The following ZC3H7B variants were observed in gnomAD, a reference collection of about 807,000 sequenced individuals.
ZC3H7B encodes zinc finger CCCH-type containing 7B.
ZC3H7B carries 35 observed loss-of-function variants against 116.0 expected under a neutral mutation model. That is an observed-to-expected ratio of 0.30 (90% confidence interval 0.23 to 0.40). The LOEUF is 0.40. ZC3H7B is among the 10% of genes least tolerant of loss of function. The pLI is 1.00. For missense variants in ZC3H7B, 1,011 were observed against 1,321.5 expected (o/e 0.77, Z 3.64); for synonymous variants, 502 against 545.6 (o/e 0.92, Z 1.11).
intron 10 of ZC3H7B, 140 bp from the exon 11 acceptor site, chr22:41,340,948 G>C: frequency 1.4e-6 from 1 of 724,676 alleles, no homozygotes; most frequent in Non-Finnish European, 2.3e-6. Context: ...AGAGGATAGA[G>C]TCAGGGGTTC....
In ZC3H7B at chr22:41,332,204, A is replaced by G; in HGVS notation, c.559A>G (p.Thr187Ala). 1 of 1,614,192 alleles carries G rather than the reference A, an allele frequency of 6.2e-7. No individual in the cohort carries two copies. Among genetic ancestry groups the G allele is most frequent in the Non-Finnish European group, 8.5e-7 (1 of 1,180,028 alleles). The change falls in exon 7 of 23, where the codon ACT (threonine) becomes GCT (alanine). Residue 187 changes from threonine (T) to alanine (A), a missense_variant. This residue lies in a region of ZC3H7B where 322 missense variants were observed against 443.9 expected (regional missense o/e 0.73). Transcript: ENST00000352645. ...AACCTTTTCTCTGCTCAGTAACGGC[A>G]CTGCGGCTGGCGTGGCAGATCAGGT... ...LETFSLLSNG[T>A]AAGVADQGTS... is the part of the protein sequence containing the mutation.
At position 41,320,771 on chromosome 22, in the gene ZC3H7B, G is replaced by C. The variant is rs897019725; in HGVS notation, c.53+58G>C. The C allele has an allele frequency of 1.9e-6, 3 of 1,599,146 alleles. No homozygotes were observed. In the African/African-American group the frequency reaches 4.0e-5, roughly 21 times the overall value. ...GGGTGGGCAAGGGTGGGTTCTCTGA[G>C]AGCCATGCCCTCCCAGCGCTCCCTT... On this transcript the variant is annotated intron_variant, in intron 2 of 22. Coordinates refer to ENST00000352645, the MANE Select transcript of ZC3H7B (RefSeq NM_017590.6).
rs373820082 is a variant in ZC3H7B at position 41,347,549 on chromosome 22, T to C, written c.1666-518T>C. ...CCTGTCTCCCCACCCAGTCATAGCATGTTGAGGGCAGGGGCAGTGGCACGT... is the reference window on the plus strand; with the variant it reads ...CCTGTCTCCCCACCCAGTCATAGCACGTTGAGGGCAGGGGCAGTGGCACGT... On this transcript the variant is annotated intron_variant, in intron 14 of 22. Transcript: ENST00000352645. Among the ~76,000 whole-genome samples, 39 of 152,256 alleles carry C rather than the reference T, an allele frequency of 2.6e-4. No individual in the cohort carries two copies. The East Asian group carries it at 7.3e-3, about 29-fold the overall frequency.
rs568482896 is a variant in ZC3H7B at position 41,357,011 on chromosome 22, G to A, written c.2682-166G>A. Among the ~76,000 whole-genome samples the A allele has an allele frequency of 3.9e-5, 6 of 152,276 alleles. No individual in the cohort carries two copies. In the South Asian group the frequency reaches 1.2e-3, roughly 32 times the overall value. ...ATCTAGACCTTTAATTTGCAGCTGT[G>A]GGGCAGATCCCAGAGAGGGTCAGGA... On this transcript the variant is annotated intron_variant, in intron 22 of 22. Transcript: ENST00000352645. The surrounding 1 kb of genome is among the most constrained non-coding windows in gnomAD (Gnocchi z 5.4).
Position 41,349,087 on chromosome 22 carries a change from G to T in ZC3H7B, c.1767-33G>T. 6.2e-7 allele frequency: 1 copy of T among 1,609,156 alleles called. No individual in the cohort carries two copies. Among genetic ancestry groups the T allele is most frequent in the South Asian group, 1.1e-5 (1 of 90,584 alleles). ...GAGAAGGTCAGAGGGGCTGCGGACT[G>T]CATCGTGCCCCTCCTGCCTGCCCGC... On this transcript the variant is annotated intron_variant, in intron 15 of 22. Coordinates refer to ENST00000352645, the MANE Select transcript of ZC3H7B (RefSeq NM_017590.6). The surrounding 1 kb of genome is among the most constrained non-coding windows in gnomAD (Gnocchi z 4.9).
rs762937677 is a variant in ZC3H7B at position 41,338,379 on chromosome 22, C to T, written c.625+24C>T. On this transcript the variant is annotated intron_variant, in intron 8 of 22. Transcript: ENST00000352645. This position sits in a 1 kb window ranked among gnomAD's most constrained non-coding sequence, Gnocchi z 4.5. ...AGGTAATGTCCCCGATACGAGGGAA[C>T]AAGTGGAAATTGGGGCCCCGAGAGG... is the stretch of plus-strand genomic sequence containing the variant. The T allele has an allele frequency of 1.2e-6, 2 of 1,612,210 alleles. No homozygotes were observed. Among genetic ancestry groups the T allele is most frequent in the African/African-American group, 1.3e-5 (1 of 74,934 alleles).
At chr22:41,337,620 T>C (rs1415279635) in intron 7 of ZC3H7B, among the ~76,000 whole-genome samples, 1 of 152,178 alleles carries the variant, frequency 6.6e-6, no homozygotes, top group African/African-American at 2.4e-5. Flanking sequence ...GGGGCACTTT[T>C]GTCTTTGAAC....
chr22:41,329,916 C>A, intron 5 of ZC3H7B, 107 bp from the exon 6 acceptor site: 1 of 1,138,858 alleles, frequency 8.8e-7, no homozygotes. Context: ...TCATCTATAA[C>A]ATGGGGTGAC....
At chr22:41,322,832 G>A (rs2036274574) in intron 2 of ZC3H7B, among the ~76,000 whole-genome samples, 1 of 152,088 alleles carries the variant, frequency 6.6e-6, no homozygotes, top group Non-Finnish European at 1.5e-5. Flanking sequence ...GGGTCTCCCT[G>A]TGTTGCCCAG....
intron 2 of ZC3H7B, among the ~76,000 whole-genome samples, chr22:41,324,528 G>T (rs577808263): frequency 2.0e-5 from 3 of 152,348 alleles, no homozygotes; most frequent in Admixed American, 2.0e-4. Context: ...AGGACTGGGA[G>T]ACAAAGCCCA....
intron 10 of ZC3H7B, among the ~76,000 whole-genome samples, chr22:41,340,562 G>A (rs1303068869): frequency 1.3e-5 from 2 of 152,156 alleles, no homozygotes; most frequent in Non-Finnish European, 1.5e-5. Context: ...CGCTGGTGGG[G>A]CTAGCTTTCG....
rs147367080 is a variant in ZC3H7B at position 41,307,170 on chromosome 22, G to A, written c.-7+5398G>A. Among the ~76,000 whole-genome samples, 674 of 152,024 alleles carry A rather than the reference G, an allele frequency of 4.4e-3. 7 individuals carry two copies. Among genetic ancestry groups the A allele is most frequent in the African/African-American group, 0.015 (619 of 41,452 alleles). ...TTTTTGTATTTTTAGTAGAGATGGT[G>A]TTTCACCATGTTGGTCAGACTGGTC... On this transcript the variant is annotated intron_variant, in intron 1 of 22. Transcript: ENST00000352645.
chr22:41,344,783 C>T (rs887619246), intron 13 of ZC3H7B, among the ~76,000 whole-genome samples: 4 of 152,166 alleles, frequency 2.6e-5, no homozygotes, highest in African/African-American at 9.7e-5. Context: ...CTCCAGATGG[C>T]CCAGCCCCCA....
chr22:41,353,639 G>T (rs926425674), intron 17 of ZC3H7B, among the ~76,000 whole-genome samples: 3 of 152,226 alleles, frequency 2.0e-5, no homozygotes, highest in Non-Finnish European at 4.4e-5. Flanking sequence ...TGATTAACTT[G>T]GGGGAAGGCT....
intron 5 of ZC3H7B, 100 bp from the exon 6 acceptor site, chr22:41,329,923 T>G (rs898689552): frequency 3.3e-6 from 4 of 1,220,664 alleles, no homozygotes; most frequent in Non-Finnish European, 4.6e-6. Flanking sequence ...TAACATGGGG[T>G]GACTATGACC....
At chr22:41,323,656 G>A (rs771202595) in intron 2 of ZC3H7B, among the ~76,000 whole-genome samples, 3 of 152,210 alleles carry the variant, frequency 2.0e-5, no homozygotes, top group Non-Finnish European at 2.9e-5. Context: ...CATCAGTCCC[G>A]CTATTTTTGC....
intron 10 of ZC3H7B, 43 bp from the exon 11 acceptor site, chr22:41,341,045 T>C: frequency 1.2e-6 from 2 of 1,600,522 alleles, no homozygotes; most frequent in Non-Finnish European, 8.5e-7. Flanking sequence ...CCCTCACGCC[T>C]CAGAGCCAGA....
chr22:41,341,039 C>T (rs1470723669), intron 10 of ZC3H7B, 49 bp from the exon 11 acceptor site: 4 of 1,588,624 alleles, frequency 2.5e-6, no homozygotes, highest in Non-Finnish European at 3.4e-6. Flanking sequence ...GAAGGCCCCT[C>T]ACGCCTCAGA....
chr22:41,357,411 C>T lies in ZC3H7B; in HGVS notation c.2916C>T (p.Thr972=), dbSNP rs772271123. 12 of 1,612,868 alleles carry T rather than the reference C, an allele frequency of 7.4e-6. No individual in the cohort carries two copies. Among genetic ancestry groups the T allele is most frequent in the South Asian group, 2.2e-5 (2 of 91,070 alleles). ...CAGAAGCCCCTGCTGCTGCTGCCAC[C>T]GCCACCACTGGGGAGTAGGGCCAGG... ...ATPEAPAAAA[T]ATTGE The change falls in exon 23 of 23, where the codon ACC becomes ACT. Residue 972 remains threonine (T), a synonymous_variant. Coordinates refer to ENST00000352645, the MANE Select transcript of ZC3H7B (RefSeq NM_017590.6). The surrounding 1 kb of genome is among the most constrained non-coding windows in gnomAD (Gnocchi z 5.4).
Sources: allele counts gnomAD v4.1 joint callset (sites outside exome capture counted in the v4.1 genomes callset), GRCh38; gene constraint gnomAD v4.1.1; regional missense constraint gnomAD v4.1.1; non-coding constraint Gnocchi (gnomAD v3.1); transcripts MANE v1.5; gene names NCBI Gene and HGNC (gene_info 2026-07-23, HGNC 2026-07-21).